GPHN: variants seen among roughly 807,000 people sequenced by gnomAD.
The protein encoded by GPHN is gephyrin.
GPHN carries 17 observed loss-of-function variants against 95.5 expected under a neutral mutation model. The observed-to-expected ratio is 0.18, with a 90% CI of 0.12 to 0.27. GPHN has a LOEUF of 0.27. Among genes scored for constraint, GPHN ranks in the 10% least tolerant of loss-of-function variants. The pLI is 1.00. For missense variants in GPHN, 660 were observed against 978.1 expected, an observed-to-expected ratio of 0.67 and a Z score of 4.34; for synonymous variants, 320 against 322.5, an observed-to-expected ratio of 0.99 and a Z score of 0.08.
chr14:66,907,790 T>A (rs1337374121), intron 5 of GPHN, among the ~76,000 whole-genome samples: 1 of 152,074 alleles, frequency 6.6e-6, no homozygotes, highest in Non-Finnish European at 1.5e-5. Flanking sequence ...GGGTTAACAA[T>A]TCTAATTTTA....
At chr14:67,546,535 C>T in the GPHN span, among the ~76,000 whole-genome samples, 11,967 of 152,144 alleles carry the variant, frequency 0.079, 503 homozygotes, top group East Asian at 0.14. Flanking sequence ...GGATTACAGG[C>T]GCGCGCCACC....
chr14:67,579,103 C>T, the GPHN span: 1 of 1,474,752 alleles, frequency 6.8e-7, no homozygotes, highest in Non-Finnish European at 9.3e-7. Context: ...ATGAGCAGAG[C>T]CCATAATACT....
intron 2 of GPHN, among the ~76,000 whole-genome samples, chr14:66,773,294 A>G (rs1047767710): frequency 6.6e-6 from 1 of 151,580 alleles, no homozygotes; most frequent in Non-Finnish European, 1.5e-5. Flanking sequence ...AAAATAAATC[A>G]CTGCCAATAA....
chr14:67,095,158 G>A (rs949143618), intron 12 of GPHN, among the ~76,000 whole-genome samples: 1 of 152,148 alleles, frequency 6.6e-6, no homozygotes, highest in Admixed American at 6.5e-5. Flanking sequence ...TGGTGTTAAT[G>A]TAAAATTTGG....
At chr14:67,518,818 C>A in the GPHN span, among the ~76,000 whole-genome samples, 1 of 152,144 alleles carries the variant, frequency 6.6e-6, no homozygotes, top group Non-Finnish European at 1.5e-5. Flanking sequence ...AGATGTGGCT[C>A]AAGAGGGTGA....
the GPHN span, among the ~76,000 whole-genome samples, chr14:67,657,788 G>A: frequency 5.2e-5 from 7 of 134,916 alleles, no homozygotes; most frequent in African/African-American, 1.4e-4. Context: ...TCGCTCTGTC[G>A]CCCGGGCTGG....
intron 2 of GPHN, among the ~76,000 whole-genome samples, chr14:66,742,705 A>G (rs1486753615): frequency 2.0e-5 from 3 of 152,042 alleles, no homozygotes. Flanking sequence ...ATTTCTGCTT[A>G]TTTTCTAAGC....
chr14:67,409,868 A>G, the GPHN span, among the ~76,000 whole-genome samples: 1 of 152,078 alleles, frequency 6.6e-6, no homozygotes, highest in African/African-American at 2.4e-5. Flanking sequence ...GCCATCTAAG[A>G]GTAGAGGGGA....
chr14:67,479,680 T>C, the GPHN span, among the ~76,000 whole-genome samples: 1 of 152,080 alleles, frequency 6.6e-6, no homozygotes, highest in Non-Finnish European at 1.5e-5. Context: ...ATAGCGCCAC[T>C]GCACTCTAGC....
intron 2 of GPHN, among the ~76,000 whole-genome samples, chr14:66,748,719 C>G (rs561761391): frequency 8.6e-5 from 13 of 151,856 alleles, no homozygotes; most frequent in African/African-American, 2.9e-4. Flanking sequence ...GAGATGGGAC[C>G]CAAATCTAAA....
chr14:67,116,971 C>T (rs1440612391), intron 16 of GPHN, among the ~76,000 whole-genome samples: 1 of 152,160 alleles, frequency 6.6e-6, no homozygotes, highest in Non-Finnish European at 1.5e-5. Context: ...ACTTTTCTCC[C>T]TCTTTTTGTG....
At chr14:66,516,507 G>C (rs1432846716) in intron 1 of GPHN, among the ~76,000 whole-genome samples, 2 of 152,146 alleles carry the variant, frequency 1.3e-5, no homozygotes, top group African/African-American at 4.8e-5. Flanking sequence ...CATCCAGTTA[G>C]ATTTGAAGTG....
intron 9 of GPHN, among the ~76,000 whole-genome samples, chr14:67,016,063 T>C (rs1425985536): frequency 6.6e-6 from 1 of 152,154 alleles, no homozygotes; most frequent in Non-Finnish European, 1.5e-5. Flanking sequence ...AAAGGACACC[T>C]TTTATATCTG....
chr14:67,236,466 T>G, the GPHN span, among the ~76,000 whole-genome samples: 1 of 152,352 alleles, frequency 6.6e-6, no homozygotes, highest in Admixed American at 6.5e-5. Flanking sequence ...TTCCTACCTT[T>G]CCTGTTCCTC....
the GPHN span, among the ~76,000 whole-genome samples, chr14:67,518,482 C>T: frequency 6.6e-6 from 1 of 152,216 alleles, no homozygotes; most frequent in African/African-American, 2.4e-5. Flanking sequence ...AGTAGCTCCA[C>T]ACTGTCATGT....
At chr14:66,879,259 C>T (rs755226577) in intron 4 of GPHN, among the ~76,000 whole-genome samples, 3 of 150,852 alleles carry the variant, frequency 2.0e-5, no homozygotes, top group South Asian at 2.1e-4. Context: ...CTAATATAGA[C>T]GGGTTGATGG....
intron 10 of GPHN, among the ~76,000 whole-genome samples, chr14:67,056,747 C>A (rs1022573671): frequency 1.7e-4 from 26 of 152,112 alleles, no homozygotes; most frequent in Non-Finnish European, 3.2e-4. Context: ...CTTGGGCAGT[C>A]CATGGGACTG....
At chr14:67,204,443 A>G in the GPHN span, 7 of 1,393,900 alleles carry the variant, frequency 5.0e-6, no homozygotes, top group East Asian at 7.7e-5. Flanking sequence ...ACTTGTCTCA[A>G]AACAAACAAA....
At chr14:67,037,908 AT>A (rs1453675026) in intron 10 of GPHN, among the ~76,000 whole-genome samples, 1 of 152,014 alleles carries the variant, frequency 6.6e-6, no homozygotes, top group East Asian at 1.9e-4. Flanking sequence ...TCTTCAAAAA[AT>A]TAAAAATAGA....
Sources: gnomAD v4.1 joint callset for allele counts (sites outside exome capture counted in the v4.1 genomes callset) on GRCh38, gnomAD v4.1.1 for gene constraint, MANE v1.5 for transcripts, NCBI Gene and HGNC (gene_info 2026-07-23, HGNC 2026-07-21) for gene names.